CNIH3: variants seen among roughly 807,000 people sequenced by gnomAD.
CNIH3 encodes the protein protein cornichon homolog 3.
A neutral mutation model predicts 24.1 loss-of-function variants in CNIH3; 14 were observed. That is an observed-to-expected ratio of 0.58 (90% CI 0.38 to 0.91). The LOEUF is 0.91. Among genes scored for constraint, CNIH3 ranks in the 40% least tolerant of loss-of-function variants. The probability of loss-of-function intolerance (pLI) is 0.00; values close to 1 mark genes in which losing one functional copy is unlikely to be tolerated. For missense variants in CNIH3, 178 were observed against 196.8 expected (o/e 0.90, Z 0.57); for synonymous variants, 68 against 73.8 (o/e 0.92, Z 0.40).
chr1:224,476,746 C>T (rs1253431781), intron 1 of CNIH3, among the ~76,000 whole-genome samples: 12 of 151,954 alleles, frequency 7.9e-5, no homozygotes, highest in Admixed American at 7.9e-4. Flanking sequence ...TCTACAGAGT[C>T]AATGCAATCT....
chr1:224,688,874 G>A (rs948251989), intron 3 of CNIH3, among the ~76,000 whole-genome samples: 1 of 149,472 alleles, frequency 6.7e-6, no homozygotes, highest in African/African-American at 2.5e-5. Context: ...GCAGTGAGCC[G>A]AGATCGCGCC....
At chr1:224,723,169 G>A (rs1688824860) in intron 3 of CNIH3, among the ~76,000 whole-genome samples, 1 of 152,184 alleles carries the variant, frequency 6.6e-6, no homozygotes, top group Admixed American at 6.5e-5. Context: ...GCTGGGCAGG[G>A]CAAGAGCAGA....
chr1:224,446,424 T>C (rs769529904), intron 1 of CNIH3, among the ~76,000 whole-genome samples: 1 of 152,204 alleles, frequency 6.6e-6, no homozygotes, highest in African/African-American at 2.4e-5. Context: ...ACTTACATAG[T>C]TCTTTAAGTC....
intron 1 of CNIH3, among the ~76,000 whole-genome samples, chr1:224,489,866 G>A (rs940942370): frequency 6.6e-6 from 1 of 152,172 alleles, no homozygotes; most frequent in Non-Finnish European, 1.5e-5. Flanking sequence ...GTCCTCACGT[G>A]TTGAAAGGGG....
chr1:224,631,131 CTA>C (rs2125078427), intron 1 of CNIH3, among the ~76,000 whole-genome samples: 1 of 152,200 alleles, frequency 6.6e-6, no homozygotes, highest in East Asian at 1.9e-4. Flanking sequence ...TCACTGCACT[CTA>C]TCCTGGGCGA....
At position 224,634,585 on chromosome 1, in the gene CNIH3, TA is replaced by T. The variant is rs66630557; in HGVS notation, c.81+17341del. The stretch of plus-strand genomic sequence containing the variant: ...GAGACTCTGTCTCCAAAAAAAAAAA[TA>T]AAAAAAAAAAGGTTTTTTGCTAGCT... On this transcript the variant is annotated intron_variant, in intron 1 of 5. Coordinates refer to ENST00000272133, the MANE Select transcript of CNIH3 (RefSeq NM_152495.2). 1.5e-4 allele frequency among the ~76,000 whole-genome samples: 10 copies of T among 65,166 alleles called. No individual in the cohort carries two copies. In the South Asian group the frequency reaches 1.6e-3, roughly 10 times the overall value. 42.8% of individuals were successfully genotyped at this position (65,166 alleles called of 152,430 possible).
chr1:224,714,767 A>G (rs1688337681), intron 3 of CNIH3, among the ~76,000 whole-genome samples: 1 of 152,220 alleles, frequency 6.6e-6, no homozygotes, highest in Non-Finnish European at 1.5e-5. Context: ...GTCATTATTG[A>G]ACACCTACGC....
chr1:224,507,500 T>C (rs1677966740), intron 1 of CNIH3, among the ~76,000 whole-genome samples: 1 of 152,232 alleles, frequency 6.6e-6, no homozygotes, highest in African/African-American at 2.4e-5. Flanking sequence ...TTCTATTTAA[T>C]GTTTGCCAAA....
chr1:224,700,444 A>G (rs2125172441), intron 3 of CNIH3, among the ~76,000 whole-genome samples: 1 of 152,334 alleles, frequency 6.6e-6, no homozygotes, highest in Admixed American at 6.5e-5. Context: ...TGGAAACAAC[A>G]TCCCATTGGC....
chr1:224,718,857 G>T (rs1217626241), intron 3 of CNIH3: 1 of 152,298 alleles, frequency 6.6e-6, no homozygotes, highest in Non-Finnish European at 1.5e-5. Flanking sequence ...CCCTCTCCAT[G>T]TGTGCCTGCC....
chr1:224,457,815 T>G (rs144863279), intron 1 of CNIH3, among the ~76,000 whole-genome samples: 41 of 152,348 alleles, frequency 2.7e-4, no homozygotes, highest in African/African-American at 7.7e-4. Context: ...ATGCATTTTA[T>G]AAATTAGTGA....
At chr1:224,574,681 A>G in intron 4 of CNIH3, 1 of 1,107,912 alleles carries the variant, frequency 9.0e-7, no homozygotes, top group Non-Finnish European at 1.4e-6. Flanking sequence ...TGGTGAGCGT[A>G]CCATGAGAAG....
chr1:224,563,464 TGTGTGTGTGTGTG>T (rs1680459221), intron 3 of CNIH3, among the ~76,000 whole-genome samples: 1 of 97,434 alleles, frequency 1.0e-5, no homozygotes, highest in Non-Finnish European at 2.3e-5. Context: ...AGACGGGGTG[TGTGTGTGTGTGTG>T]TGTGTGTGTG....
At chr1:224,591,417 T>C (rs1042503551), downstream of CNIH3, among the ~76,000 whole-genome samples, 1 of 152,210 alleles carries the variant, frequency 6.6e-6, no homozygotes, top group Admixed American at 6.5e-5. Flanking sequence ...AACTTCTCTA[T>C]GTACCTCTGG....
chr1:224,476,047 C>T (rs1676575046), intron 1 of CNIH3, among the ~76,000 whole-genome samples: 1 of 152,152 alleles, frequency 6.6e-6, no homozygotes, highest in Non-Finnish European at 1.5e-5. Context: ...TTCAACATCC[C>T]TTCATGATAA....
intron 3 of CNIH3, among the ~76,000 whole-genome samples, chr1:224,706,995 G>C (rs143768986): frequency 0.011 from 1,085 of 101,462 alleles, 9 homozygotes; most frequent in Middle Eastern, 0.035. Flanking sequence ...ACAGAGTCTT[G>C]CTCTGTCACC....
chr1:224,453,165 G>A (rs12755338), intron 1 of CNIH3, among the ~76,000 whole-genome samples: 42,829 of 150,966 alleles, frequency 0.28, 7,579 homozygotes, highest in African/African-American at 0.5. Flanking sequence ...TATATATATT[G>A]TGTGTATATA....
intron 1 of CNIH3, among the ~76,000 whole-genome samples, chr1:224,639,504 G>C (rs1684252993): frequency 6.6e-6 from 1 of 152,224 alleles, no homozygotes; most frequent in Non-Finnish European, 1.5e-5. Context: ...TAAGCAAGAA[G>C]GTGATAATAG....
intron 1 of CNIH3, among the ~76,000 whole-genome samples, chr1:224,653,080 A>G (rs577271524): frequency 2.6e-5 from 4 of 152,358 alleles, no homozygotes; most frequent in African/African-American, 9.6e-5. Context: ...TAATTATTCT[A>G]CATATTCCTT....
Sources: allele counts gnomAD v4.1 joint callset (sites outside exome capture counted in the v4.1 genomes callset), GRCh38; gene constraint gnomAD v4.1.1; transcripts MANE v1.5; gene names NCBI Gene and HGNC (gene_info 2026-07-23, HGNC 2026-07-21).